MAP6: variants seen among roughly 807,000 people sequenced by gnomAD.
MAP6 encodes microtubule associated protein 6, also known as microtubule-associated protein 6.
A neutral mutation model predicts 42.4 loss-of-function variants in MAP6; 26 were observed. The ratio of observed to expected loss-of-function variants is 0.61; its 90% CI spans 0.45 to 0.85. The LOEUF is 0.85. MAP6 is among the 40% of genes least tolerant of loss of function. The probability of loss-of-function intolerance (pLI) is 0.00; values close to 1 mark genes in which losing one functional copy is unlikely to be tolerated. For synonymous variants in MAP6, 418 were observed against 443.8 expected (o/e 0.94, Z 0.73); for missense variants, 966 against 1,099.0 (o/e 0.88, Z 1.71).
chr11:75,598,028 C>T (rs552467090), intron 3 of MAP6, among the ~76,000 whole-genome samples: 126 of 152,280 alleles, frequency 8.3e-4, no homozygotes, highest in African/African-American at 2.9e-3. Context: ...CCCCATGGGG[C>T]CCTCACCGCA....
At chr11:75,607,429 T>C in intron 2 of MAP6, 1 of 985,454 alleles carries the variant, frequency 1.0e-6, no homozygotes. Flanking sequence ...CTTCACCAGC[T>C]ATATCTCCAA....
chr11:75,597,540 G>T (rs537813742), intron 3 of MAP6, among the ~76,000 whole-genome samples: 1 of 152,312 alleles, frequency 6.6e-6, no homozygotes, highest in Non-Finnish European at 1.5e-5. Context: ...TTCTGCTAAT[G>T]ACCCTTTTTA....
chr11:75,630,471 T>A (rs1943268456), intron 1 of MAP6, among the ~76,000 whole-genome samples: 1 of 152,250 alleles, frequency 6.6e-6, no homozygotes, highest in African/African-American at 2.4e-5. Flanking sequence ...TAATGTTGTA[T>A]CTTACCTGAT....
intron 3 of MAP6, chr11:75,604,176 G>A (rs1005973339): frequency 4.1e-6 from 4 of 985,830 alleles, no homozygotes; most frequent in Non-Finnish European, 4.8e-6. Context: ...CAACAACTTC[G>A]TTTCTGATAT....
intron 1 of MAP6, among the ~76,000 whole-genome samples, chr11:75,613,560 G>A (rs970967293): frequency 1.3e-5 from 2 of 152,126 alleles, no homozygotes; most frequent in African/African-American, 4.8e-5. Flanking sequence ...CACAGGGACA[G>A]GGTGCTCTCT....
chr11:75,602,625 T>A (rs781780771), intron 3 of MAP6, among the ~76,000 whole-genome samples: 1 of 152,166 alleles, frequency 6.6e-6, no homozygotes, highest in Non-Finnish European at 1.5e-5. Context: ...GATCAAAATG[T>A]TACACTACCT....
At chr11:75,617,918 G>T (rs1193914549) in intron 1 of MAP6, among the ~76,000 whole-genome samples, 1 of 152,126 alleles carries the variant, frequency 6.6e-6, no homozygotes. Context: ...AACGATCTGT[G>T]TCTGTCCTTG....
chr11:75,646,041 G>A (rs1943548012), intron 1 of MAP6, among the ~76,000 whole-genome samples: 1 of 151,190 alleles, frequency 6.6e-6, no homozygotes, highest in African/African-American at 2.4e-5. Flanking sequence ...TCAAATTCAG[G>A]AAAATAACTA....
chr11:75,591,895 C>T (rs1439283711), intron 3 of MAP6, among the ~76,000 whole-genome samples: 4 of 152,168 alleles, frequency 2.6e-5, no homozygotes, highest in African/African-American at 7.2e-5. Context: ...GCTAGGTGGG[C>T]GTCTGGAATA....
chr11:75,597,902 G>A (rs1309015436), intron 3 of MAP6, among the ~76,000 whole-genome samples: 1 of 152,122 alleles, frequency 6.6e-6, no homozygotes, highest in Non-Finnish European at 1.5e-5. Context: ...CTGCCATACT[G>A]TTAGGGACCA....
At chr11:75,623,516 G>A (rs369929678) in intron 1 of MAP6, among the ~76,000 whole-genome samples, 2 of 152,124 alleles carry the variant, frequency 1.3e-5, no homozygotes, top group East Asian at 3.8e-4. Flanking sequence ...GGTGATCCCT[G>A]CCTCCTCTGA....
intron 1 of MAP6, among the ~76,000 whole-genome samples, chr11:75,657,270 C>T (rs2135689376): frequency 6.6e-6 from 1 of 152,230 alleles, no homozygotes; most frequent in South Asian, 2.1e-4. Flanking sequence ...ACCACCACGC[C>T]CAGCTAATTT....
intron 1 of MAP6, among the ~76,000 whole-genome samples, chr11:75,660,204 T>C (rs541447330): frequency 6.6e-6 from 1 of 152,286 alleles, no homozygotes; most frequent in East Asian, 1.9e-4. Context: ...CATTTTCTGT[T>C]GGTTAATTTT....
intron 1 of MAP6, among the ~76,000 whole-genome samples, chr11:75,636,558 A>G (rs1475800695): frequency 6.6e-6 from 1 of 152,186 alleles, no homozygotes; most frequent in Non-Finnish European, 1.5e-5. Flanking sequence ...GCCAATTTTT[A>G]GAGATAGTAA....
At position 75,617,525 on chromosome 11, in the gene MAP6, A is replaced by AC. The variant is rs1227056942; in HGVS notation, c.906-9204_906-9203insG. On this transcript the variant is annotated intron_variant, in intron 1 of 3. Transcript: ENST00000304771. Reference sequence around the variant, plus strand: ...AGCAAGACTGTCTCCAAAAAAAAAAAAAAAAAAAAAAAAAAACCCAAAAAC... The same window carrying AC: ...AGCAAGACTGTCTCCAAAAAAAAAAACAAAAAAAAAAAAAAAACCCAAAAAC... Among the ~76,000 whole-genome samples, 4 of 149,796 alleles carry AC rather than the reference A, an allele frequency of 2.7e-5. No individual in the cohort carries two copies. The East Asian group carries it at 7.7e-4, about 29-fold the overall frequency.
intron 1 of MAP6, among the ~76,000 whole-genome samples, chr11:75,612,553 A>G (rs747527810): frequency 3.3e-5 from 5 of 152,214 alleles, no homozygotes; most frequent in Non-Finnish European, 5.9e-5. Context: ...GCAGGTTCAG[A>G]GAGAGCAGGT....
intron 1 of MAP6, among the ~76,000 whole-genome samples, chr11:75,623,103 T>G (rs1410888509): frequency 6.6e-6 from 1 of 152,170 alleles, no homozygotes; most frequent in Non-Finnish European, 1.5e-5. Flanking sequence ...AGCTTAAATG[T>G]CCATCAACTA....
At chr11:75,588,313 G>A in intron 3 of MAP6, 129 bp from the exon 4 acceptor site, 1 of 500,906 alleles carries the variant, frequency 2.0e-6, no homozygotes, top group Admixed American at 3.4e-5. Context: ...AGAGCCAGGA[G>A]AATATGATTT....
At chr11:75,644,653 G>A (rs939191105) in intron 1 of MAP6, among the ~76,000 whole-genome samples, 1 of 152,078 alleles carries the variant, frequency 6.6e-6, no homozygotes, top group African/African-American at 2.4e-5. Flanking sequence ...CAAAAACTTT[G>A]CAATATTGTA....
Sources: gnomAD v4.1 joint callset for allele counts (sites outside exome capture counted in the v4.1 genomes callset) on GRCh38, gnomAD v4.1.1 for gene constraint, MANE v1.5 for transcripts, NCBI Gene and HGNC (gene_info 2026-07-23, HGNC 2026-07-21) for gene names.